The following TMEM217 variants were observed in gnomAD, a reference collection of about 807,000 sequenced individuals.
The protein encoded by TMEM217 is transmembrane protein 217.
For missense variants in TMEM217, 204 were observed against 248.8 expected (o/e 0.82, Z 1.21); for synonymous variants, 76 against 88.3 (o/e 0.86, Z 0.78).
At chr6:37,223,646 T>C (rs1370842242) in intron 1 of TMEM217, among the ~76,000 whole-genome samples, 3 of 151,262 alleles carry the variant, frequency 2.0e-5, no homozygotes, top group Non-Finnish European at 1.5e-5. Context: ...GTAGCTGGGA[T>C]TACAAGCGTG....
chr6:37,227,064 A>G (rs1763881628), intron 1 of TMEM217, among the ~76,000 whole-genome samples: 1 of 152,204 alleles, frequency 6.6e-6, no homozygotes, highest in African/African-American at 2.4e-5. Context: ...ACAGCAGCAA[A>G]ATTAGGATTT....
chr6:37,247,221 T>C (rs1765137950), intron 1 of TMEM217, among the ~76,000 whole-genome samples: 1 of 152,186 alleles, frequency 6.6e-6, no homozygotes, highest in South Asian at 2.1e-4. Context: ...GGTCTTACCA[T>C]GTAGAGCTAC....
chr6:37,238,998 C>G (rs898493427), intron 1 of TMEM217, among the ~76,000 whole-genome samples: 9 of 152,072 alleles, frequency 5.9e-5, no homozygotes, highest in African/African-American at 2.2e-4. Context: ...GGCATGTTGG[C>G]ACATGCCTGT....
At chr6:37,226,499 G>A (rs892756174) in intron 1 of TMEM217, among the ~76,000 whole-genome samples, 5 of 150,892 alleles carry the variant, frequency 3.3e-5, no homozygotes, top group East Asian at 3.9e-4. Context: ...GGGTTTCACC[G>A]TGTTAGCCAG....
At chr6:37,213,703 T>A (rs1410085424), downstream of TMEM217, among the ~76,000 whole-genome samples, 1 of 152,234 alleles carries the variant, frequency 6.6e-6, no homozygotes, top group Non-Finnish European at 1.5e-5. Context: ...AGCAGGAACC[T>A]GGTGCCCGAG....
intron 1 of TMEM217, among the ~76,000 whole-genome samples, chr6:37,252,887 G>T (rs1260066372): frequency 6.6e-6 from 1 of 151,688 alleles, no homozygotes; most frequent in Non-Finnish European, 1.5e-5. Flanking sequence ...TGATCCACCT[G>T]CCTCAGCCTC....
chr6:37,236,757 G>A (rs1015623873), intron 1 of TMEM217, among the ~76,000 whole-genome samples: 1 of 152,020 alleles, frequency 6.6e-6, no homozygotes, highest in Non-Finnish European at 1.5e-5. Flanking sequence ...GGATTCTGTG[G>A]GTGAGGACTT....
intron 1 of TMEM217, among the ~76,000 whole-genome samples, chr6:37,256,643 G>T (rs557555998): frequency 8.6e-5 from 13 of 151,538 alleles, no homozygotes; most frequent in South Asian, 4.2e-4. Context: ...ACCGTCGTTG[G>T]AGGACATATA....
At chr6:37,233,533 C>T (rs112002443) in intron 1 of TMEM217, among the ~76,000 whole-genome samples, 111 of 152,314 alleles carry the variant, frequency 7.3e-4, no homozygotes, top group African/African-American at 2.5e-3. Context: ...TCCTCTTTTA[C>T]GAGGGCATTA....
At chr6:37,255,373 C>T (rs1284660410) in intron 1 of TMEM217, among the ~76,000 whole-genome samples, 1 of 151,954 alleles carries the variant, frequency 6.6e-6, no homozygotes, top group Admixed American at 6.6e-5. Flanking sequence ...GACATGATAT[C>T]GTCTACATTT....
At position 37,220,532 on chromosome 6, in the gene TMEM217, A is replaced by G. The variant is rs1047954784; in HGVS notation, c.-11-1491T>C. Among the ~76,000 whole-genome samples the G allele has an allele frequency of 2.7e-5, 4 of 149,984 alleles. No homozygotes were observed. In the East Asian group the frequency reaches 7.8e-4, roughly 29 times the overall value. ...GAGAAAACTCTCCTTGAGACATTGT[A>G]ATCATAGCTGGCCTTTTTTTTTTTG... On this transcript the variant is annotated intron_variant, in intron 1 of 1. Coordinates refer to ENST00000357219, the Ensembl canonical transcript of TMEM217.
chr6:37,253,994 T>G (rs1307518301), intron 1 of TMEM217, among the ~76,000 whole-genome samples: 1 of 152,122 alleles, frequency 6.6e-6, no homozygotes, highest in East Asian at 1.9e-4. Flanking sequence ...GAAGATGAAG[T>G]TGAGGGGGGG....
At chr6:37,229,907 G>A (rs148841493) in intron 1 of TMEM217, among the ~76,000 whole-genome samples, 17 of 152,294 alleles carry the variant, frequency 1.1e-4, no homozygotes, top group African/African-American at 2.9e-4. Flanking sequence ...TCTGCTCCAG[G>A]TTTCACAAGG....
chr6:37,257,410 G>A (rs1342939613), intron 1 of TMEM217, among the ~76,000 whole-genome samples, 158 bp downstream of exon 1: 8 of 152,196 alleles, frequency 5.3e-5, no homozygotes, highest in Non-Finnish European at 5.9e-5. Flanking sequence ...TGTTAAAAAT[G>A]GGCCACAACC....
chr6:37,230,112 G>C (rs1234455697), intron 1 of TMEM217, among the ~76,000 whole-genome samples: 1 of 152,200 alleles, frequency 6.6e-6, no homozygotes. Flanking sequence ...CCTTGCTCCT[G>C]AGCTCTCAGA....
intron 1 of TMEM217, among the ~76,000 whole-genome samples, chr6:37,255,457 G>A (rs776983161): frequency 6.6e-6 from 1 of 152,114 alleles, no homozygotes; most frequent in Non-Finnish European, 1.5e-5. Flanking sequence ...CAAAGGTGGT[G>A]GATTGCTTGA....
chr6:37,212,888 G>T, downstream of TMEM217: 5 of 1,519,680 alleles, frequency 3.3e-6, no homozygotes, highest in Non-Finnish European at 4.5e-6. Flanking sequence ...TGTGTCTTCT[G>T]GTTCAGGTCA....
intron 1 of TMEM217, among the ~76,000 whole-genome samples, chr6:37,232,543 A>G (rs1346628874): frequency 6.7e-6 from 1 of 149,870 alleles, no homozygotes; most frequent in African/African-American, 2.5e-5. Flanking sequence ...AATGGTCACC[A>G]GTTTAACTGG....
exon 1 of TMEM217, chr6:37,257,858 G>A (rs1262019343): frequency 6.3e-7 from 1 of 1,578,872 alleles, no homozygotes; most frequent in Non-Finnish European, 8.6e-7. Flanking sequence ...TGCGGGGTCT[G>A]GGGGCATCTC....
Sources: allele counts gnomAD v4.1 joint callset (sites outside exome capture counted in the v4.1 genomes callset), GRCh38; gene constraint gnomAD v4.1.1; transcripts MANE v1.5; gene names NCBI Gene and HGNC (gene_info 2026-07-23, HGNC 2026-07-21).